The following NOL4 variants were observed in gnomAD, a reference collection of about 807,000 sequenced individuals.
NOL4 encodes nucleolar protein 4, also known as cancer/testis antigen 125.
Under a neutral mutation model 75.9 loss-of-function variants are expected in NOL4, and 17 were observed. The observed-to-expected ratio is 0.22, with a 90% CI of 0.15 to 0.34. The LOEUF (loss-of-function observed/expected upper bound fraction) is 0.34, where lower values mean the gene tolerates loss of function less well. Among genes scored for constraint, NOL4 ranks in the 10% least tolerant of loss-of-function variants. NOL4 has a pLI of 1.00. For synonymous variants in NOL4, 292 were observed against 289.9 expected (o/e 1.01, Z -0.07); for missense variants, 614 against 793.5 (o/e 0.77, Z 2.72).
chr18:33,866,012 TTTAAGGCA>T (rs374777365), intron 10 of NOL4, among the ~76,000 whole-genome samples: 1 of 152,230 alleles, frequency 6.6e-6, no homozygotes, highest in African/African-American at 2.4e-5. Flanking sequence ...CAAGTAACTG[TTTAAGGCA>T]TTATGCAAGG....
chr18:34,096,831 T>C (rs1017325246), intron 4 of NOL4, among the ~76,000 whole-genome samples: 1 of 152,194 alleles, frequency 6.6e-6, no homozygotes, highest in Non-Finnish European at 1.5e-5. Context: ...AACACGGCAC[T>C]TATTTATTTC....
chr18:34,027,609 C>G (rs1312408950), intron 5 of NOL4, among the ~76,000 whole-genome samples: 1 of 152,130 alleles, frequency 6.6e-6, no homozygotes, highest in East Asian at 1.9e-4. Context: ...TTTCTAAACT[C>G]ATGATTTTCA....
At chr18:34,030,347 G>T (rs546716044) in intron 5 of NOL4, among the ~76,000 whole-genome samples, 2 of 152,116 alleles carry the variant, frequency 1.3e-5, no homozygotes, top group East Asian at 1.9e-4. Context: ...TCTTCTGGGG[G>T]TATGGAGAGG....
intron 1 of NOL4, among the ~76,000 whole-genome samples, chr18:34,166,000 A>C (rs910337097): frequency 6.6e-6 from 1 of 152,096 alleles, no homozygotes; most frequent in Non-Finnish European, 1.5e-5. Context: ...ATAAAAATTT[A>C]CAAAATATGT....
chr18:34,117,494 C>G (rs986566137), intron 2 of NOL4, among the ~76,000 whole-genome samples: 3 of 152,128 alleles, frequency 2.0e-5, no homozygotes, highest in Non-Finnish European at 4.4e-5. Context: ...AATGCTCTAA[C>G]TAGTTTGGGG....
Position 33,954,430 on chromosome 18 carries a change from G to C in NOL4, c.1428+2896C>G, listed in dbSNP as rs139979836. ...CTACTGCAGGATTTGGTGGTAATAG[G>C]TATAATCTGTGAGTATAAAATGCTC... On this transcript the variant is annotated intron_variant, in intron 8 of 10. Transcript: ENST00000261592. Among the ~76,000 whole-genome samples, 110 of 152,078 alleles carry C rather than the reference G, an allele frequency of 7.2e-4. 1 individual carries two copies. Among genetic ancestry groups the C allele is most frequent in the African/African-American group, 2.6e-3 (107 of 41,510 alleles).
intron 5 of NOL4, among the ~76,000 whole-genome samples, chr18:34,055,199 C>CA: frequency 6.6e-6 from 1 of 151,748 alleles, no homozygotes; most frequent in East Asian, 1.9e-4. Flanking sequence ...TATAATAATA[C>CA]TAGTTCCTAT....
At chr18:34,136,265 T>C (rs2080888112) in intron 1 of NOL4, among the ~76,000 whole-genome samples, 1 of 152,134 alleles carries the variant, frequency 6.6e-6, no homozygotes. Context: ...AATGCTTTCC[T>C]CCTAAAAATA....
At chr18:33,923,687 T>C (rs532627437) in intron 9 of NOL4, among the ~76,000 whole-genome samples, 112 of 152,298 alleles carry the variant, frequency 7.4e-4, no homozygotes, top group Non-Finnish European at 1.3e-3. Context: ...TGTTTACATC[T>C]TTTTATACAT....
At chr18:34,017,094 G>T (rs574670814) in intron 6 of NOL4, among the ~76,000 whole-genome samples, 21 of 152,146 alleles carry the variant, frequency 1.4e-4, no homozygotes, top group African/African-American at 4.3e-4. Context: ...AAATAAAATG[G>T]TAATCTTATA....
At position 34,212,986 on chromosome 18, in the gene NOL4, T is replaced by A. The variant is rs1225385264; in HGVS notation, c.264+10004A>T. 4.6e-5 allele frequency among the ~76,000 whole-genome samples: 7 copies of A among 152,294 alleles called. No homozygotes were observed. In the East Asian group the frequency reaches 1.2e-3, roughly 25 times the overall value. On this transcript the variant is annotated intron_variant, in intron 1 of 10. Transcript: ENST00000261592. Reference sequence around the variant, plus strand: ...CTTTCTTAAAGTCAGCCTTACCATATAAGATAATAACTATGAGAGTTATGG... The same window carrying A: ...CTTTCTTAAAGTCAGCCTTACCATAAAAGATAATAACTATGAGAGTTATGG...
At chr18:33,967,553 T>C (rs577554415) in intron 6 of NOL4, among the ~76,000 whole-genome samples, 5 of 152,130 alleles carry the variant, frequency 3.3e-5, no homozygotes, top group Non-Finnish European at 7.4e-5. Context: ...GAGAAAATGT[T>C]CATAAACTAT....
At chr18:34,048,816 G>A (rs9954981) in intron 5 of NOL4, among the ~76,000 whole-genome samples, 1,971 of 152,090 alleles carry the variant, frequency 0.013, 48 homozygotes, top group African/African-American at 0.045. Context: ...GGAGATCACT[G>A]GTTAAGAACA....
intron 2 of NOL4, among the ~76,000 whole-genome samples, chr18:34,116,895 G>C (rs941245554): frequency 6.6e-6 from 1 of 151,940 alleles, no homozygotes; most frequent in African/African-American, 2.4e-5. Context: ...CTCTCTAATT[G>C]CAACAATGTT....
intron 1 of NOL4, among the ~76,000 whole-genome samples, chr18:34,164,785 T>G (rs1600769938): frequency 1.3e-5 from 2 of 151,736 alleles, no homozygotes; most frequent in South Asian, 4.1e-4. Context: ...TAAAGACACA[T>G]GCACACGTAT....
chr18:34,045,209 C>T (rs1463412418), intron 5 of NOL4, among the ~76,000 whole-genome samples: 3 of 152,032 alleles, frequency 2.0e-5, no homozygotes, highest in South Asian at 2.1e-4. Context: ...CACTGCCTGC[C>T]GTGAGCCTGG....
At chr18:34,087,519 C>T (rs1212997524) in intron 5 of NOL4, among the ~76,000 whole-genome samples, 1 of 152,024 alleles carries the variant, frequency 6.6e-6, no homozygotes, top group East Asian at 1.9e-4. Flanking sequence ...TATTTTAAAG[C>T]TTGAACCATC....
chr18:34,064,255 G>T (rs1438257289), intron 5 of NOL4, among the ~76,000 whole-genome samples: 1 of 151,968 alleles, frequency 6.6e-6, no homozygotes, highest in East Asian at 1.9e-4. Context: ...TTTCTTATTT[G>T]CTGAAATTTA....
At chr18:34,139,804 T>C (rs2145979906) in intron 1 of NOL4, among the ~76,000 whole-genome samples, 1 of 152,316 alleles carries the variant, frequency 6.6e-6, no homozygotes, top group South Asian at 2.1e-4. Context: ...CTGCTTTCTC[T>C]TGTGGGCATT....
Sources: gnomAD v4.1 joint callset for allele counts (sites outside exome capture counted in the v4.1 genomes callset) on GRCh38, gnomAD v4.1.1 for gene constraint, MANE v1.5 for transcripts, NCBI Gene and HGNC (gene_info 2026-07-23, HGNC 2026-07-21) for gene names.